Variants in MTRR observed in about 807,000 individuals in gnomAD.
MTRR encodes methionine synthase reductase.
A neutral mutation model predicts 79.2 loss-of-function variants in MTRR; 63 were observed. The observed-to-expected ratio is 0.80, with a 90% CI of 0.65 to 0.98. The LOEUF (loss-of-function observed/expected upper bound fraction) is 0.98. Among genes scored for constraint, MTRR ranks in the 50% least tolerant of loss-of-function variants. MTRR has a pLI of 0.00. For synonymous variants in MTRR, 355 were observed against 313.3 expected (o/e 1.13, Z -1.41); for missense variants, 895 against 839.6 (o/e 1.07, Z -0.82).
At chr5:7,889,034 A>C (rs1312285662) in intron 8 of MTRR, 61 bp from the exon 9 acceptor site, 1 of 1,600,444 alleles carries the variant, frequency 6.2e-7, no homozygotes, top group African/African-American at 1.3e-5. Flanking sequence ...CATTTAACTG[A>C]ATATTCTAAT....
chr5:7,865,780 G>C, upstream of MTRR: 2 of 730,734 alleles, frequency 2.7e-6, no homozygotes, highest in Non-Finnish European at 4.7e-6. Flanking sequence ...GGTGGCAACT[G>C]ACTCCAAGTA....
chr5:7,886,448 T>C (rs566636950), intron 7 of MTRR, 167 bp from the exon 8 acceptor site: 17 of 623,050 alleles, frequency 2.7e-5, no homozygotes, highest in Non-Finnish European at 4.3e-5. Context: ...AGTTTTTTAC[T>C]GTATTCATTT....
upstream of MTRR, chr5:7,867,606 G>C (rs751428023): frequency 1.9e-6 from 3 of 1,614,262 alleles, no homozygotes; most frequent in South Asian, 1.1e-5. Context: ...CATAAAGCTT[G>C]AAAGATGCTA....
chr5:7,869,041 T>C (rs1747336560), upstream of MTRR: 1 of 1,471,442 alleles, frequency 6.8e-7, no homozygotes, highest in Non-Finnish European at 9.5e-7. Context: ...TGGGCCTCCG[T>C]AGCAAACGCG....
upstream of MTRR, among the ~76,000 whole-genome samples, chr5:7,868,547 G>A (rs1301783665): frequency 6.6e-6 from 1 of 152,186 alleles, no homozygotes; most frequent in African/African-American, 2.4e-5. Context: ...CAGGTAAAGT[G>A]GGCAAAATTA....
chr5:7,869,081 T>C, upstream of MTRR: 1 of 1,589,876 alleles, frequency 6.3e-7, no homozygotes, highest in Non-Finnish European at 8.6e-7. Context: ...GGCGGCGCAA[T>C]GTGATTGGCC....
chr5:7,880,894 C>T (rs1299249378), intron 5 of MTRR, among the ~76,000 whole-genome samples: 1 of 152,174 alleles, frequency 6.6e-6, no homozygotes, highest in East Asian at 1.9e-4. Context: ...CCCCTCTTAA[C>T]AGACCCTGGA....
At chr5:7,856,857 G>A (rs1746261799) in intron 1 of MTRR, 1 of 147,932 alleles carries the variant, frequency 6.8e-6, no homozygotes. Context: ...GTACCCAAGC[G>A]ACGCACATTC....
upstream of MTRR, chr5:7,867,666 C>T: frequency 1.2e-6 from 2 of 1,614,184 alleles, no homozygotes; most frequent in South Asian, 2.2e-5. Flanking sequence ...TTTTTTTCCA[C>T]TTCACAAATT....
chr5:7,875,121 TA>T, intron 3 of MTRR, 136 bp from the exon 4 acceptor site: 1 of 715,216 alleles, frequency 1.4e-6, no homozygotes. Flanking sequence ...TCAAGGAAAA[TA>T]AAATGTGAAG....
intron 9 of MTRR, chr5:7,890,218 C>T (rs967166635): frequency 1.0e-6 from 1 of 979,424 alleles, no homozygotes. Context: ...TAAAGGCACC[C>T]TTCTTTGCAA....
chr5:7,871,545 A>G (rs1250387595), intron 2 of MTRR, among the ~76,000 whole-genome samples: 1 of 152,210 alleles, frequency 6.6e-6, no homozygotes, highest in African/African-American at 2.4e-5. Flanking sequence ...AACAGTTGGC[A>G]GGGGCTTTAT....
At chr5:7,859,553 A>G in intron 1 of MTRR, 1 of 1,518,516 alleles carries the variant, frequency 6.6e-7, no homozygotes, top group Middle Eastern at 1.7e-4. Flanking sequence ...TAAAGGTAGA[A>G]AAGTAAAACT....
At chr5:7,861,080 G>A in intron 1 of MTRR, 1 of 972,456 alleles carries the variant, frequency 1.0e-6, no homozygotes, top group Non-Finnish European at 1.6e-6. Flanking sequence ...CTTTTTAAAA[G>A]TAACCTGGAA....
At chr5:7,875,918 T>C (rs1205968821) in intron 4 of MTRR, among the ~76,000 whole-genome samples, 1 of 152,246 alleles carries the variant, frequency 6.6e-6, no homozygotes, top group Non-Finnish European at 1.5e-5. Flanking sequence ...TATTTTTGTT[T>C]TTACAAGTCA....
At chr5:7,889,403 T>A in intron 9 of MTRR, 128 bp downstream of exon 9, 1 of 954,196 alleles carries the variant, frequency 1.0e-6, no homozygotes, top group Non-Finnish European at 1.6e-6. Flanking sequence ...AGAATATATC[T>A]AAATGAATGG....
intron 2 of MTRR, chr5:7,862,712 C>A (rs1022900861): frequency 3.3e-6 from 3 of 909,626 alleles, no homozygotes; most frequent in Non-Finnish European, 3.4e-6. Context: ...AGGGAAGGGA[C>A]CATTCCATTT....
chr5:7,886,461 G>A, intron 7 of MTRR, 154 bp from the exon 8 acceptor site: 1 of 641,920 alleles, frequency 1.6e-6, no homozygotes, highest in African/African-American at 1.8e-5. Context: ...ATTCATTTTG[G>A]GGAATTTTTT....
intron 8 of MTRR, among the ~76,000 whole-genome samples, chr5:7,888,008 A>G (rs1736913522): frequency 1.3e-5 from 2 of 151,824 alleles, no homozygotes; most frequent in Non-Finnish European, 2.9e-5. Context: ...TTTAACTTAA[A>G]TCAAGAATCT....
Sources: allele counts gnomAD v4.1 joint callset (sites outside exome capture counted in the v4.1 genomes callset), GRCh38; gene constraint gnomAD v4.1.1; transcripts MANE v1.5; gene names NCBI Gene and HGNC (gene_info 2026-07-23, HGNC 2026-07-21).